The following CCSER1 variants were observed in gnomAD, a reference collection of about 807,000 sequenced individuals.
CCSER1 encodes the protein serine-rich coiled-coil domain-containing protein 1.
CCSER1 carries 41 observed loss-of-function variants against 82.0 expected under a neutral mutation model. That is an observed-to-expected ratio of 0.50 (90% CI 0.39 to 0.65). The LOEUF is 0.65. Ranked by LOEUF, CCSER1 falls within the 30% of genes least tolerant of loss-of-function variation. The pLI is 0.00. For synonymous variants in CCSER1, 414 were observed against 383.9 expected (o/e 1.08, Z -0.92); for missense variants, 1,119 against 1,064.2 (o/e 1.05, Z -0.72).
At chr4:91,271,811 A>G (rs1202972680) in intron 10 of CCSER1, among the ~76,000 whole-genome samples, 1 of 151,986 alleles carries the variant, frequency 6.6e-6, no homozygotes, top group African/African-American at 2.4e-5. Context: ...CTTGAGTGCA[A>G]TGGCACCATC....
At chr4:91,195,919 C>T (rs567347657) in intron 10 of CCSER1, among the ~76,000 whole-genome samples, 32 of 152,126 alleles carry the variant, frequency 2.1e-4, no homozygotes, top group African/African-American at 6.0e-4. Flanking sequence ...ACAAAGCCCC[C>T]GTGTTAGCCA....
chr4:90,687,312 C>A (rs984499429), intron 6 of CCSER1, among the ~76,000 whole-genome samples: 1 of 151,976 alleles, frequency 6.6e-6, no homozygotes, highest in Admixed American at 6.6e-5. Context: ...TACTCTGCAT[C>A]TCATTTGCTC....
intron 9 of CCSER1, among the ~76,000 whole-genome samples, chr4:90,972,829 G>A (rs1286031595): frequency 6.6e-6 from 1 of 151,718 alleles, no homozygotes; most frequent in Non-Finnish European, 1.5e-5. Flanking sequence ...GAATGTAACA[G>A]AATAGAGAGT....
intron 6 of CCSER1, among the ~76,000 whole-genome samples, chr4:90,662,012 T>TC (rs1271046783): frequency 6.6e-6 from 1 of 150,826 alleles, no homozygotes; most frequent in African/African-American, 2.4e-5. Flanking sequence ...TTTTTTTTTT[T>TC]TTTTGAGACT....
At chr4:90,145,906 C>G (rs1416494967) in intron 1 of CCSER1, among the ~76,000 whole-genome samples, 1 of 151,990 alleles carries the variant, frequency 6.6e-6, no homozygotes, top group African/African-American at 2.4e-5. Flanking sequence ...TCTTAGGGTA[C>G]CTTTTTTTCC....
chr4:91,482,854 A>G (rs1206232893), intron 10 of CCSER1, among the ~76,000 whole-genome samples: 2 of 152,178 alleles, frequency 1.3e-5, no homozygotes, highest in African/African-American at 4.8e-5. Flanking sequence ...ACAAAAAACC[A>G]AACACCGCAT....
At chr4:91,253,971 A>G (rs1025796203) in intron 10 of CCSER1, among the ~76,000 whole-genome samples, 1 of 152,204 alleles carries the variant, frequency 6.6e-6, no homozygotes, top group African/African-American at 2.4e-5. Context: ...TGCCCCCATG[A>G]TCCAATCACC....
chr4:90,141,742 C>T (rs1256313946), intron 1 of CCSER1, among the ~76,000 whole-genome samples: 1 of 152,160 alleles, frequency 6.6e-6, no homozygotes, highest in Non-Finnish European at 1.5e-5. Context: ...TCATTTTACC[C>T]ATGAGCAATG....
At chr4:91,050,430 CAA>C (rs141375504) in intron 9 of CCSER1, among the ~76,000 whole-genome samples, 9 of 141,000 alleles carry the variant, frequency 6.4e-5, no homozygotes, top group Middle Eastern at 3.8e-3. Flanking sequence ...GACTCTGTCT[CAA>C]AAAAAAAAAA....
intron 10 of CCSER1, among the ~76,000 whole-genome samples, chr4:91,463,253 G>A (rs965776082): frequency 1.3e-5 from 2 of 152,218 alleles, no homozygotes; most frequent in Admixed American, 6.5e-5. Flanking sequence ...AACAGGGTCT[G>A]GAGTGGACCT....
At chr4:91,214,112 G>T (rs530694303) in intron 10 of CCSER1, among the ~76,000 whole-genome samples, 60 of 152,164 alleles carry the variant, frequency 3.9e-4, no homozygotes, top group South Asian at 6.2e-4. Context: ...TCACCAAAAA[G>T]ATTGCCAGAG....
At chr4:91,138,605 G>C (rs1728708749) in intron 10 of CCSER1, among the ~76,000 whole-genome samples, 1 of 93,180 alleles carries the variant, frequency 1.1e-5, no homozygotes, top group Non-Finnish European at 2.2e-5. Flanking sequence ...TTAAACTAAA[G>C]AGCTTCTGCA....
intron 8 of CCSER1, among the ~76,000 whole-genome samples, chr4:90,862,870 T>TTACAGAAGCACAC (rs1765262137): frequency 6.6e-6 from 1 of 151,408 alleles, no homozygotes; most frequent in South Asian, 2.1e-4. Flanking sequence ...AAAACCCGTA[T>TTACAGAAGCACAC]TACAGAAGCA....
At chr4:91,091,595 TCAG>T (rs1265825151) in intron 10 of CCSER1, among the ~76,000 whole-genome samples, 1 of 152,192 alleles carries the variant, frequency 6.6e-6, no homozygotes, top group Non-Finnish European at 1.5e-5. Context: ...CGTAGACCAG[TCAG>T]CTTCCGGGTG....
At chr4:90,692,047 A>G (rs896969442) in intron 6 of CCSER1, among the ~76,000 whole-genome samples, 13 of 25,628 alleles carry the variant, frequency 5.1e-4, no homozygotes, top group South Asian at 1.1e-3. Flanking sequence ...ATATATATAT[A>G]TATATATATA....
At chr4:90,333,955 T>TC (rs146218210) in intron 3 of CCSER1, among the ~76,000 whole-genome samples, 6,531 of 152,262 alleles carry the variant, frequency 0.043, 199 homozygotes, top group African/African-American at 0.077. Context: ...TCAGAGCTCT[T>TC]ACAGTAAATA....
chr4:90,133,771 A>T (rs1220534865), intron 1 of CCSER1, among the ~76,000 whole-genome samples: 3 of 152,178 alleles, frequency 2.0e-5, no homozygotes, highest in African/African-American at 7.2e-5. Flanking sequence ...TCCTTGTGGT[A>T]CTTTTGGCAG....
At chr4:90,245,898 GA>G (rs550282723) in intron 1 of CCSER1, among the ~76,000 whole-genome samples, 2 of 151,652 alleles carry the variant, frequency 1.3e-5, no homozygotes, top group South Asian at 2.1e-4. Context: ...TAAGAAAAGT[GA>G]AAAAAAAGCA....
intron 10 of CCSER1, among the ~76,000 whole-genome samples, chr4:91,215,785 A>G (rs1035087955): frequency 2.0e-5 from 3 of 152,194 alleles, no homozygotes; most frequent in African/African-American, 7.2e-5. Context: ...CTCAATATCA[A>G]CCATCATATT....
Sources: allele counts gnomAD v4.1 joint callset (sites outside exome capture counted in the v4.1 genomes callset), GRCh38; gene constraint gnomAD v4.1.1; transcripts MANE v1.5; gene names NCBI Gene and HGNC (gene_info 2026-07-23, HGNC 2026-07-21).